The following ZCWPW1 variants were observed in gnomAD, a reference collection of about 807,000 sequenced individuals.
The protein encoded by ZCWPW1 is zinc finger CW-type and PWWP domain containing 1.
ZCWPW1 carries 56 observed loss-of-function variants against 81.3 expected under a neutral mutation model. The ratio of observed to expected loss-of-function variants is 0.69; its 90% CI spans 0.56 to 0.86. ZCWPW1 has a LOEUF of 0.86. ZCWPW1 is among the 40% of genes least tolerant of loss of function. The pLI is 0.00. For synonymous variants in ZCWPW1, 250 were observed against 273.7 expected (o/e 0.91, Z 0.86); for missense variants, 650 against 769.8 (o/e 0.84, Z 1.84).
At chr7:100,426,463 G>T (rs1797353337) in intron 1 of ZCWPW1, among the ~76,000 whole-genome samples, 1 of 142,230 alleles carries the variant, frequency 7.0e-6, no homozygotes, top group Admixed American at 7.3e-5. Flanking sequence ...CTGCACTCCA[G>T]CCTGGGCAAA....
chr7:100,408,497 C>T (rs1793517208), intron 10 of ZCWPW1, 42 bp downstream of exon 10: 1 of 1,600,366 alleles, frequency 6.2e-7, no homozygotes, highest in Admixed American at 1.8e-5. Context: ...CTACCTCTCC[C>T]AAGTTTGTGA....
In ZCWPW1 at chr7:100,405,062, A is replaced by C; in HGVS notation, c.1205T>G (p.Leu402Arg). The change falls in exon 13 of 18, where the codon CTG becomes CGG. Residue 402 changes from leucine (L) to arginine (R), a missense_variant. Transcript: ENST00000684423. ...TTGAGCCATCATCAGGGCCACCCCC[A>C]GTTTCTGGCTGCAGTCATTTCTGCG... The part of the protein sequence containing the change: ...KKRRNDCSQK[L>R]GVALMMAQEA... 6.2e-7 allele frequency: 1 copy of C among 1,613,478 alleles called. No individual in the cohort carries two copies. The highest frequency in any genetic ancestry group is 8.5e-7 in the Non-Finnish European group (1 of 1,179,754).
chr7:100,401,817 A>G, intron 17 of ZCWPW1, 72 bp downstream of exon 17: 1 of 1,519,602 alleles, frequency 6.6e-7, no homozygotes, highest in Non-Finnish European at 8.8e-7. Context: ...AATGGTTAAG[A>G]AATGATTCAG....
At chr7:100,402,651 C>T in intron 15 of ZCWPW1, 75 bp from the exon 16 acceptor site, 1 of 1,448,108 alleles carries the variant, frequency 6.9e-7, no homozygotes, top group South Asian at 1.1e-5. Context: ...AAGGATGCTA[C>T]AGAATGACAG....
rs371879841 is a variant in ZCWPW1, at chr7:100,417,127, T to C, written c.418A>G (p.Thr140Ala). Residue 140 changes from threonine (T) to alanine (A), a missense_variant, in exon 6 of 18, where the codon ACC becomes GCC. Physicochemically the swap from Thr to Ala is moderately conservative, Grantham distance 58 (BLOSUM62 0). Transcript: ENST00000684423. ...ETSCAQPVVS[T>A]QSDKEPGITA... The stretch of plus-strand genomic sequence containing the variant: ...ATTCCTGGCTCCTTGTCTGATTGGG[T>C]AGATACTACGGGCTGGGCACAAGAA... The C allele has an allele frequency of 4.3e-6, 7 of 1,613,948 alleles. No homozygotes were observed. The highest frequency in any genetic ancestry group is 1.7e-5 in the Admixed American group (1 of 59,988).
At chr7:100,428,234 C>T (rs1437375041) in intron 1 of ZCWPW1, among the ~76,000 whole-genome samples, 1 of 152,182 alleles carries the variant, frequency 6.6e-6, no homozygotes, top group Non-Finnish European at 1.5e-5. Flanking sequence ...CACACCTCAA[C>T]CCAGGTTTCC....
In ZCWPW1 at chr7:100,420,681, GT is replaced by G; in HGVS notation, c.-29-4del. The G allele has an allele frequency of 6.2e-7, 1 of 1,613,020 alleles. No homozygotes were observed. Among genetic ancestry groups the G allele is most frequent in the Non-Finnish European group, 8.5e-7 (1 of 1,179,788 alleles). On this transcript the variant is annotated splice_polypyrimidine_tract_variant and splice_region_variant and intron_variant, in intron 2 of 17. Transcript: ENST00000684423. ...TAGAAACTACGCTTTGTGTGCCTCT[GT>G]TAGAAAAAAGAAATTAACTGCTATG...
rs185689649 is a variant in ZCWPW1, at chr7:100,415,569, C to T, written c.754+406G>A. ...AGCTTATGTTTATCCTCTTTGATTT[C>T]TTTACGATGGCATTCGACATGGCTG... is the stretch of plus-strand genomic sequence containing the variant. On this transcript the variant is annotated intron_variant, in intron 8 of 17. Transcript: ENST00000684423. Among the ~76,000 whole-genome samples, 107 of 152,258 alleles carry T rather than the reference C, an allele frequency of 7.0e-4. 1 individual carries two copies. Among genetic ancestry groups the T allele is most frequent in the Non-Finnish European group, 1.2e-3 (81 of 68,008 alleles).
At chr7:100,408,865 G>A (rs1299934617) in intron 9 of ZCWPW1, among the ~76,000 whole-genome samples, 1 of 149,492 alleles carries the variant, frequency 6.7e-6, no homozygotes, top group East Asian at 1.9e-4. Context: ...GGAACCAGCT[G>A]AAATGCAGCT....
At chr7:100,424,404 C>G (rs1285790393) in intron 2 of ZCWPW1, among the ~76,000 whole-genome samples, 3 of 152,076 alleles carry the variant, frequency 2.0e-5, no homozygotes, top group Non-Finnish European at 4.4e-5. Flanking sequence ...GGTGGACTCC[C>G]TCGTTTATCT....
intron 13 of ZCWPW1, 61 bp downstream of exon 13, chr7:100,404,952 A>G: frequency 2.6e-6 from 4 of 1,542,230 alleles, no homozygotes; most frequent in Non-Finnish European, 3.6e-6. Flanking sequence ...CTGGACTGAG[A>G]AAGAATCCCC....
intron 6 of ZCWPW1, 44 bp downstream of exon 6, chr7:100,417,022 G>A (rs770177991): frequency 4.5e-6 from 6 of 1,326,166 alleles, no homozygotes; most frequent in South Asian, 3.5e-5. Context: ...CCATGAATGT[G>A]TAGTCCATTC....
intron 8 of ZCWPW1, among the ~76,000 whole-genome samples, chr7:100,411,717 A>C (rs1794207043): frequency 6.6e-6 from 1 of 152,202 alleles, no homozygotes; most frequent in Non-Finnish European, 1.5e-5. Context: ...GGAGTCATAT[A>C]TATTAATACA....
intron 1 of ZCWPW1, 78 bp downstream of exon 1, chr7:100,428,490 C>T (rs1409406964): frequency 6.6e-6 from 1 of 152,426 alleles, no homozygotes; most frequent in African/African-American, 2.4e-5. Flanking sequence ...ACTAACTTTT[C>T]TGTTTCAGAC....
chr7:100,401,366 C>T (rs1413885515), intron 17 of ZCWPW1, 30 bp from the exon 18 acceptor site: 41 of 1,506,874 alleles, frequency 2.7e-5, no homozygotes, highest in Non-Finnish European at 3.4e-5. Flanking sequence ...AGCCAAGAGT[C>T]CTATTAGGTC....
At chr7:100,424,996 T>C (rs1381058195) in intron 2 of ZCWPW1, 34 bp downstream of exon 2, 1 of 152,176 alleles carries the variant, frequency 6.6e-6, no homozygotes, top group Non-Finnish European at 1.5e-5. Context: ...AATCTGTGCA[T>C]GTGATAACAC....
intron 11 of ZCWPW1, 62 bp downstream of exon 11, chr7:100,407,166 G>T: frequency 6.8e-7 from 1 of 1,475,944 alleles, no homozygotes; most frequent in Non-Finnish European, 9.5e-7. Flanking sequence ...GTACGTCTGT[G>T]AGGATGGATT....
intron 8 of ZCWPW1, among the ~76,000 whole-genome samples, chr7:100,412,071 A>T (rs982991804): frequency 6.6e-6 from 1 of 151,606 alleles, no homozygotes; most frequent in African/African-American, 2.4e-5. Context: ...TTTTACTGGC[A>T]AGCTTCCCCC....
intron 15 of ZCWPW1, among the ~76,000 whole-genome samples, chr7:100,402,943 A>G (rs935412650): frequency 6.6e-6 from 1 of 152,204 alleles, no homozygotes; most frequent in African/African-American, 2.4e-5. Context: ...GGGAGAAAGG[A>G]GTGGAAAGAA....
Sources: allele counts gnomAD v4.1 joint callset (sites outside exome capture counted in the v4.1 genomes callset), GRCh38; gene constraint gnomAD v4.1.1; transcripts MANE v1.5; gene names NCBI Gene and HGNC (gene_info 2026-07-23, HGNC 2026-07-21).